FANCL: variants seen among roughly 807,000 people sequenced by gnomAD.
FANCL encodes the protein FA complementation group L.
FANCL carries 69 observed loss-of-function variants against 59.4 expected under a neutral mutation model. That is an observed-to-expected ratio of 1.16 (90% confidence interval 0.96 to 1.42). The LOEUF is 1.42. Among genes scored for constraint, FANCL ranks in the 40% most tolerant of loss-of-function variants. The pLI is 0.00. For missense variants in FANCL, 519 were observed against 447.2 expected, an observed-to-expected ratio of 1.16 and a Z score of -1.45; for synonymous variants, 180 against 147.1, an observed-to-expected ratio of 1.22 and a Z score of -1.62.
intron 7 of FANCL, among the ~76,000 whole-genome samples, chr2:58,185,246 G>A (rs976626149): frequency 6.6e-6 from 1 of 152,082 alleles, no homozygotes; most frequent in African/African-American, 2.4e-5. Flanking sequence ...AAGATATTAA[G>A]AGATCAATCC....
intron 7 of FANCL, among the ~76,000 whole-genome samples, chr2:58,168,124 T>TA (rs1686146241): frequency 6.6e-6 from 1 of 152,158 alleles, no homozygotes; most frequent in Non-Finnish European, 1.5e-5. Context: ...AAAATATTTT[T>TA]AAAAATAAAA....
rs563721387 is a variant in FANCL, at chr2:58,173,011, G to T, written c.541-7137C>A. Among the ~76,000 whole-genome samples the T allele has an allele frequency of 9.2e-5, 14 of 152,338 alleles. No homozygotes were observed. In the South Asian group the frequency reaches 1.9e-3, roughly 20 times the overall value. ...GAATACAGAAGCCTCAGGAGCCGAT[G>T]CGATCAACTGGAAGAAAGGGTATCA... On this transcript the variant is annotated intron_variant, in intron 7 of 13. Coordinates refer to ENST00000233741, the MANE Select transcript of FANCL (RefSeq NM_018062.4).
At position 58,159,895 on chromosome 2, in the gene FANCL, G is replaced by T; in HGVS notation, c.1093-95C>A. ...AATAGTGTCATAGAATAGTGTCATA[G>T]TACAGTTTGGAAAACACTTCTGAAG... is the stretch of plus-strand genomic sequence containing the variant. On this transcript the variant is annotated intron_variant, in intron 13 of 13. Coordinates refer to ENST00000233741, the MANE Select transcript of FANCL (RefSeq NM_018062.4). The T allele has an allele frequency of 3.2e-6, 5 of 1,564,160 alleles. No homozygotes were observed. The South Asian group carries it at 4.8e-5, about 15-fold the overall frequency.
chr2:58,160,554 CCTG>C (rs1290067959), intron 12 of FANCL, among the ~76,000 whole-genome samples: 2 of 151,992 alleles, frequency 1.3e-5, no homozygotes, highest in African/African-American at 4.8e-5. Context: ...ATTAACAACT[CCTG>C]CTGTTAAAGA....
chr2:58,207,619 C>A (rs573775669), intron 5 of FANCL, among the ~76,000 whole-genome samples: 2 of 152,140 alleles, frequency 1.3e-5, no homozygotes, highest in East Asian at 3.9e-4. Context: ...TTAATAGTGG[C>A]CTAGCCTATG....
chr2:58,229,412 T>C (rs1401983313), intron 3 of FANCL, among the ~76,000 whole-genome samples: 1 of 152,128 alleles, frequency 6.6e-6, no homozygotes. Context: ...GTACACATGA[T>C]CCTAAATTAT....
At chr2:58,224,587 C>T (rs1299219958) in intron 4 of FANCL, among the ~76,000 whole-genome samples, 1 of 151,766 alleles carries the variant, frequency 6.6e-6, no homozygotes, top group African/African-American at 2.4e-5. Context: ...ACTAAGTTAT[C>T]AATATGTAGT....
At chr2:58,222,792 C>G (rs1692612192) in intron 4 of FANCL, among the ~76,000 whole-genome samples, 1 of 151,934 alleles carries the variant, frequency 6.6e-6, no homozygotes, top group African/African-American at 2.4e-5. Flanking sequence ...AATCTATCTA[C>G]AAATTACTTA....
At chr2:58,167,530 G>T (rs1474926282) in intron 7 of FANCL, among the ~76,000 whole-genome samples, 2 of 152,114 alleles carry the variant, frequency 1.3e-5, no homozygotes, top group Non-Finnish European at 2.9e-5. Context: ...TTTCACAGTG[G>T]CATCTTTTAT....
intron 7 of FANCL, among the ~76,000 whole-genome samples, chr2:58,178,696 A>T (rs772827443): frequency 1.3e-5 from 2 of 152,014 alleles, no homozygotes; most frequent in Non-Finnish European, 2.9e-5. Flanking sequence ...CTCTCTCACC[A>T]CTCCTATTCA....
At chr2:58,207,918 T>C (rs1368386451) in intron 5 of FANCL, among the ~76,000 whole-genome samples, 2 of 152,108 alleles carry the variant, frequency 1.3e-5, no homozygotes, top group African/African-American at 2.4e-5. Flanking sequence ...AACTAACTCG[T>C]CATGGTGGCG....
intron 4 of FANCL, among the ~76,000 whole-genome samples, chr2:58,224,431 A>C (rs1692779043): frequency 6.6e-6 from 1 of 151,846 alleles, no homozygotes; most frequent in Non-Finnish European, 1.5e-5. Context: ...AACCCTTATT[A>C]ATTAGGATTT....
chr2:58,210,820 G>A (rs1389799683), intron 5 of FANCL, among the ~76,000 whole-genome samples: 1 of 152,188 alleles, frequency 6.6e-6, no homozygotes, highest in African/African-American at 2.4e-5. Flanking sequence ...GCTCCAAAAT[G>A]ATCTCCTTTG....
At position 58,163,530 on chromosome 2, in the gene FANCL, A is replaced by G. The variant is rs1685525108; in HGVS notation, c.692-13T>C. 1.3e-6 allele frequency: 2 copies of G among 1,520,340 alleles called. No homozygotes were observed. The highest frequency in any genetic ancestry group is 2.2e-5 in the South Asian group (2 of 89,084). 94.2% of individuals were successfully genotyped at this position (1,520,340 alleles called of 1,614,324 possible). Reference sequence around the variant, plus strand: ...GAAACATTATTACCTAGAATGAAACAAGATTAAATCTTTTAGAAGTAGAAC... The same window carrying G: ...GAAACATTATTACCTAGAATGAAACGAGATTAAATCTTTTAGAAGTAGAAC... On this transcript the variant is annotated splice_polypyrimidine_tract_variant and intron_variant, in intron 8 of 13. Transcript: ENST00000233741.
chr2:58,241,210 G>T lies in FANCL; in HGVS notation c.96+8C>A. On this transcript the variant is annotated splice_region_variant and intron_variant, in intron 1 of 13. Coordinates refer to ENST00000233741, the MANE Select transcript of FANCL (RefSeq NM_018062.4). ...CTCTTAGCTAGAAAGCAACCACTGG[G>T]CGGGTACCTGAGCCGAGATGAATCC... 2 of 1,614,110 alleles carry T rather than the reference G, an allele frequency of 1.2e-6. No homozygotes were observed. The highest frequency in any genetic ancestry group is 1.7e-6 in the Non-Finnish European group (2 of 1,179,918).
Position 58,222,002 on chromosome 2 carries a change from G to T in FANCL, c.314C>A (p.Pro105His), listed in dbSNP as rs1351046168. 1.9e-6 allele frequency: 3 copies of T among 1,613,374 alleles called. No homozygotes were observed. In the African/African-American group the frequency reaches 4.0e-5, roughly 22 times the overall value. Residue 105 changes from proline (P) to histidine (H), a missense_variant, in exon 5 of 14, where the codon CCT becomes CAT. Transcript: ENST00000233741. The stretch of plus-strand genomic sequence containing the variant: ...GCTTGAGTAGAACTGGGGAGGAGGA[G>T]GTAGTGCATACAGCTCTTGTCTATT... ...LKNRQELYAL[P>H]PPPQFYSSLI...
chr2:58,221,429 T>A (rs976723780), intron 5 of FANCL, among the ~76,000 whole-genome samples: 1 of 152,040 alleles, frequency 6.6e-6, no homozygotes, highest in Non-Finnish European at 1.5e-5. Context: ...TCTTTATGCA[T>A]CAGTTTTAAA....
At chr2:58,210,857 C>G (rs1019624614) in intron 5 of FANCL, among the ~76,000 whole-genome samples, 73 of 152,298 alleles carry the variant, frequency 4.8e-4, no homozygotes, top group African/African-American at 1.7e-3. Flanking sequence ...CCAGATCATG[C>G]TGATACAAGA....
At chr2:58,183,466 A>T in intron 7 of FANCL, among the ~76,000 whole-genome samples, 1 of 151,812 alleles carries the variant, frequency 6.6e-6, no homozygotes, top group South Asian at 2.1e-4. Context: ...TTATTACCAA[A>T]CCTCAGTGAA....
Sources: gnomAD v4.1 joint callset for allele counts (sites outside exome capture counted in the v4.1 genomes callset) on GRCh38, gnomAD v4.1.1 for gene constraint, MANE v1.5 for transcripts, NCBI Gene and HGNC (gene_info 2026-07-23, HGNC 2026-07-21) for gene names.